INPP5A: variants seen among roughly 807,000 people sequenced by gnomAD.
INPP5A encodes the protein 43 kDa inositol polyphosphate 5-phophatase.
INPP5A carries 14 observed loss-of-function variants against 65.2 expected under a neutral mutation model. The ratio of observed to expected loss-of-function variants is 0.21; its 90% CI spans 0.14 to 0.34. The LOEUF (loss-of-function observed/expected upper bound fraction) is 0.34, where lower values mean the gene tolerates loss of function less well. INPP5A is among the 10% of genes least tolerant of loss of function. The pLI is 1.00. For missense variants in INPP5A, 431 were observed against 545.6 expected (o/e 0.79, Z 2.09); for synonymous variants, 207 against 208.3 (o/e 0.99, Z 0.05).
intron 1 of INPP5A, among the ~76,000 whole-genome samples, chr10:132,598,467 G>C (rs1247224635): frequency 1.3e-5 from 2 of 152,184 alleles, no homozygotes; most frequent in African/African-American, 2.4e-5. Context: ...GATGACTCCA[G>C]ATATCTCACA....
At chr10:132,708,643 G>T in intron 7 of INPP5A, 1 of 531,840 alleles carries the variant, frequency 1.9e-6, no homozygotes, top group South Asian at 1.8e-5. Context: ...GAGTTCCGCT[G>T]GCCAGAGCCC....
At chr10:132,751,442 C>T (rs890043810) in intron 11 of INPP5A, among the ~76,000 whole-genome samples, 3 of 152,264 alleles carry the variant, frequency 2.0e-5, no homozygotes, top group Non-Finnish European at 2.9e-5. Context: ...TCTCAAGCCT[C>T]CAGGGCCTGG....
chr10:132,699,341 T>G (rs1323352338), intron 6 of INPP5A, among the ~76,000 whole-genome samples: 1 of 18,832 alleles, frequency 5.3e-5, no homozygotes, highest in African/African-American at 2.1e-4. Context: ...GGGCCCTTTG[T>G]GGGAAGCGTG....
In INPP5A at chr10:132,545,237, G is replaced by A. The variant is rs1564910799; in HGVS notation, c.75+7066G>A. Among the ~76,000 whole-genome samples the A allele has an allele frequency of 6.6e-6, 1 of 152,156 alleles. No individual in the cohort carries two copies. Among genetic ancestry groups the A allele is most frequent in the Non-Finnish European group, 1.5e-5 (1 of 68,018 alleles). ...GGTACTGGGGTGTTTCCGTGGACTT[G>A]TTGGGTCTGATTCAGAAGTTACAGA... On this transcript the variant is annotated intron_variant, in intron 1 of 15. Transcript: ENST00000368594. This position sits in a 1 kb window ranked among gnomAD's most constrained non-coding sequence, Gnocchi z 4.6.
chr10:132,672,959 G>A (rs1369596737), intron 4 of INPP5A, among the ~76,000 whole-genome samples: 1 of 152,200 alleles, frequency 6.6e-6, no homozygotes, highest in Non-Finnish European at 1.5e-5. Flanking sequence ...TGGGTCACTT[G>A]TAGTCTTGCC....
At chr10:132,755,656 G>C (rs375266871) in intron 11 of INPP5A, among the ~76,000 whole-genome samples, 1 of 151,334 alleles carries the variant, frequency 6.6e-6, no homozygotes, top group Non-Finnish European at 1.5e-5. Flanking sequence ...ATGCATGAGC[G>C]TGAGCAGGTG....
At chr10:132,557,046 C>A (rs1279711545) in intron 1 of INPP5A, among the ~76,000 whole-genome samples, 1 of 152,102 alleles carries the variant, frequency 6.6e-6, no homozygotes, top group Non-Finnish European at 1.5e-5. Flanking sequence ...CATGTTGTGG[C>A]CTTTGTGTGT....
Position 132,575,711 on chromosome 10 carries a change from CCT to C in INPP5A, c.76-32202_76-32201del, listed in dbSNP as rs1247987431. 6.6e-6 allele frequency among the ~76,000 whole-genome samples: 1 copy of C among 152,166 alleles called. No homozygotes were observed. The highest frequency in any genetic ancestry group is 6.5e-5 in the Admixed American group (1 of 15,288). On this transcript the variant is annotated intron_variant, in intron 1 of 15. Transcript: ENST00000368594. This position sits in a 1 kb window ranked among gnomAD's most constrained non-coding sequence, Gnocchi z 5.4. ...AACTCCTGACGCCTCAGCGCCTGGCCCTCAGGACAGCCTTTCCCCGGTTCCCT... is the reference window on the plus strand; with the variant it reads ...AACTCCTGACGCCTCAGCGCCTGGCCCAGGACAGCCTTTCCCCGGTTCCCT...
intron 12 of INPP5A, among the ~76,000 whole-genome samples, chr10:132,768,102 C>T (rs549829682): frequency 3.4e-5 from 5 of 146,564 alleles, no homozygotes; most frequent in Non-Finnish European, 7.5e-5. Context: ...TGGACCCCAA[C>T]CCTCGGCATT....
intron 2 of INPP5A, among the ~76,000 whole-genome samples, chr10:132,633,325 A>T (rs193034935): frequency 1.3e-5 from 2 of 152,266 alleles, no homozygotes; most frequent in African/African-American, 4.8e-5. Context: ...TGCAGAGGAA[A>T]TATTTTTTTT....
intron 9 of INPP5A, among the ~76,000 whole-genome samples, chr10:132,730,479 G>C (rs539200431): frequency 1.6e-4 from 24 of 152,256 alleles, no homozygotes; most frequent in African/African-American, 5.8e-4. Flanking sequence ...CAGGCTCCTC[G>C]GCCGCTCTGC....
chr10:132,777,996 G>C, intron 13 of INPP5A: 10 of 1,325,276 alleles, frequency 7.5e-6, no homozygotes, highest in Non-Finnish European at 9.0e-6. Flanking sequence ...AGATGGAGCC[G>C]AGTTCCTGGG....
rs188889738 is a variant in INPP5A at position 132,577,228 on chromosome 10, C to T, written c.76-30687C>T. Among the ~76,000 whole-genome samples, 42 of 152,282 alleles carry T rather than the reference C, an allele frequency of 2.8e-4. 1 individual carries two copies. Among genetic ancestry groups the T allele is most frequent in the Middle Eastern group, 6.8e-3 (2 of 294 alleles). On this transcript the variant is annotated intron_variant, in intron 1 of 15. Coordinates refer to ENST00000368594, the MANE Select transcript of INPP5A (RefSeq NM_005539.5). ...CTGAGTGCAGGTGGGTTGCTCCCCC[C>T]CGGCACGCCGCCCGTGGTGCATCAC...
In INPP5A at chr10:132,651,958, C is replaced by A. The variant is rs548256504; in HGVS notation, c.306+1453C>A. Among the ~76,000 whole-genome samples the A allele has an allele frequency of 6.6e-6, 1 of 152,330 alleles. No homozygotes were observed. Among genetic ancestry groups the A allele is most frequent in the South Asian group, 2.1e-4 (1 of 4,832 alleles). On this transcript the variant is annotated intron_variant, in intron 4 of 15. Coordinates refer to ENST00000368594, the MANE Select transcript of INPP5A (RefSeq NM_005539.5). The surrounding 1 kb of genome is among the most constrained non-coding windows in gnomAD (Gnocchi z 5.0). ...GCACACGGGGACCACGGGGCCCCCA[C>A]TCACACCAGAGCCAAGGCCCTCACC...
chr10:132,678,089 C>T lies in INPP5A; in HGVS notation c.307-12303C>T, dbSNP rs955898858. ...GGGGGACACCTTGGTGCCGTCATCC[C>T]GTTTGGCCCCAGGAGCTGAAATTGG... On this transcript the variant is annotated intron_variant, in intron 4 of 15. Coordinates refer to ENST00000368594, the MANE Select transcript of INPP5A (RefSeq NM_005539.5). This position sits in a 1 kb window ranked among gnomAD's most constrained non-coding sequence, Gnocchi z 4.1. Among the ~76,000 whole-genome samples the T allele has an allele frequency of 3.9e-5, 6 of 152,190 alleles. No homozygotes were observed. The highest frequency in any genetic ancestry group is 1.2e-4 in the African/African-American group (5 of 41,426).
chr10:132,652,279 T>A (rs1294680367), intron 4 of INPP5A, among the ~76,000 whole-genome samples: 2 of 152,070 alleles, frequency 1.3e-5, no homozygotes, highest in Non-Finnish European at 2.9e-5. Context: ...AGCCACAAAA[T>A]TAAAGTGAAA....
At chr10:132,618,516 T>C (rs2072071067) in intron 2 of INPP5A, among the ~76,000 whole-genome samples, 1 of 152,248 alleles carries the variant, frequency 6.6e-6, no homozygotes, top group African/African-American at 2.4e-5. Flanking sequence ...TCACAGTTTT[T>C]CCTGATGGTA....
intron 2 of INPP5A, among the ~76,000 whole-genome samples, chr10:132,630,541 A>G (rs1590880070): frequency 7.4e-6 from 1 of 135,776 alleles, no homozygotes; most frequent in African/African-American, 2.8e-5. Flanking sequence ...TTCATGAGGG[A>G]AAGATGTCCA....
intron 1 of INPP5A, among the ~76,000 whole-genome samples, chr10:132,570,374 G>A (rs2071326312): frequency 6.6e-6 from 1 of 152,250 alleles, no homozygotes; most frequent in South Asian, 2.1e-4. Flanking sequence ...GTATCCATCA[G>A]TTTCATCTCT....
Sources: allele counts gnomAD v4.1 joint callset (sites outside exome capture counted in the v4.1 genomes callset), GRCh38; gene constraint gnomAD v4.1.1; non-coding constraint Gnocchi (gnomAD v3.1); transcripts MANE v1.5; gene names NCBI Gene and HGNC (gene_info 2026-07-23, HGNC 2026-07-21).